NBAS: variants seen among roughly 807,000 people sequenced by gnomAD.
NBAS encodes the protein NAG/BC035112 fusion.
A neutral mutation model predicts 302.5 loss-of-function variants in NBAS; 219 were observed. That is an observed-to-expected ratio of 0.72 (90% confidence interval 0.65 to 0.81). NBAS has a LOEUF of 0.81. NBAS is among the 30% of genes least tolerant of loss of function. The pLI, the probability that NBAS is intolerant of heterozygous loss-of-function variation, is 0.00. For synonymous variants in NBAS, 1,118 were observed against 1,021.6 expected (o/e 1.09, Z -1.80); for missense variants, 2,932 against 2,841.6 (o/e 1.03, Z -0.72).
At chr2:15,433,486 T>C (rs567769586) in intron 21 of NBAS, among the ~76,000 whole-genome samples, 1 of 152,216 alleles carries the variant, frequency 6.6e-6, no homozygotes, top group African/African-American at 2.4e-5. Flanking sequence ...TACTTTATGA[T>C]AAACAATAGC....
At chr2:14,851,335 A>G in the NBAS span, among the ~76,000 whole-genome samples, 2 of 151,780 alleles carry the variant, frequency 1.3e-5, no homozygotes, top group Non-Finnish European at 2.9e-5. Context: ...TCTAGAAGAA[A>G]TGGATACATT....
intron 11 of NBAS, among the ~76,000 whole-genome samples, chr2:15,492,397 T>C (rs1220554278): frequency 6.6e-6 from 1 of 152,240 alleles, no homozygotes; most frequent in Non-Finnish European, 1.5e-5. Context: ...TTAGGTTATG[T>C]TGGAAATACA....
intron 1 of NBAS, among the ~76,000 whole-genome samples, chr2:15,560,195 G>A (rs1664844860): frequency 6.6e-6 from 1 of 151,930 alleles, no homozygotes; most frequent in South Asian, 2.1e-4. Flanking sequence ...AACAGTAACT[G>A]GCACGTGTTA....
In NBAS at chr2:15,238,703, G is replaced by C. The variant is rs766787793; in HGVS notation, c.5725-17C>G. 8.5e-5 allele frequency: 33 copies of C among 389,354 alleles called. No individual in the cohort carries two copies. Among genetic ancestry groups the C allele is most frequent in the Non-Finnish European group, 1.3e-4 (31 of 237,830 alleles). The allele number at this position is 389,354 out of a possible 1,614,324, so 24.1% of individuals were successfully genotyped here. A position where few individuals can be genotyped will look rare whatever the true frequency, so the allele number is the denominator to read the frequency against. On this transcript the variant is annotated splice_polypyrimidine_tract_variant and intron_variant, in intron 44 of 51. Transcript: ENST00000281513. Reference sequence around the variant, plus strand: ...CACAGACAGCTTAAAAAAAAGAATAGTGAGACCAAAGAACCCTGCATTATT... The same window carrying C: ...CACAGACAGCTTAAAAAAAAGAATACTGAGACCAAAGAACCCTGCATTATT...
chr2:15,325,672 A>G (rs1475145702), intron 38 of NBAS, among the ~76,000 whole-genome samples: 1 of 152,198 alleles, frequency 6.6e-6, no homozygotes, highest in Non-Finnish European at 1.5e-5. Flanking sequence ...TATCCAGGCC[A>G]CTAAAACTCT....
chr2:15,336,154 T>C (rs1214637608), intron 35 of NBAS, among the ~76,000 whole-genome samples: 1 of 152,146 alleles, frequency 6.6e-6, no homozygotes, highest in Non-Finnish European at 1.5e-5. Flanking sequence ...TAAGTTTTCC[T>C]TGACATGTAA....
At chr2:14,881,050 G>T in the NBAS span, among the ~76,000 whole-genome samples, 13 of 152,198 alleles carry the variant, frequency 8.5e-5, 1 homozygote, top group East Asian at 2.5e-3. Flanking sequence ...GAAAGAAAAA[G>T]TGTGAGCCAA....
chr2:14,921,289 C>T, the NBAS span, among the ~76,000 whole-genome samples: 3 of 151,800 alleles, frequency 2.0e-5, no homozygotes, highest in African/African-American at 7.3e-5. Context: ...TTCATGGCAC[C>T]CCAAAACAAT....
chr2:15,495,287 C>T (rs1416711855), intron 11 of NBAS, among the ~76,000 whole-genome samples: 4 of 152,112 alleles, frequency 2.6e-5, no homozygotes, highest in Non-Finnish European at 5.9e-5. Flanking sequence ...TAAAAGAAGG[C>T]ACTACCACCT....
the NBAS span, among the ~76,000 whole-genome samples, chr2:14,917,461 A>G: frequency 1.3e-5 from 2 of 152,202 alleles, no homozygotes; most frequent in Non-Finnish European, 2.9e-5. Flanking sequence ...TACTTTTGTA[A>G]CCTAATCACG....
chr2:15,070,819 C>T, the NBAS span, among the ~76,000 whole-genome samples: 1 of 138,704 alleles, frequency 7.2e-6, no homozygotes, highest in Non-Finnish European at 1.6e-5. Context: ...AAATGTAAAA[C>T]ATAAAAGTAC....
At chr2:15,539,103 C>G in intron 7 of NBAS, 120 bp downstream of exon 7, 1 of 1,373,046 alleles carries the variant, frequency 7.3e-7, no homozygotes, top group Non-Finnish European at 1.0e-6. Flanking sequence ...CGTCTTAAGT[C>G]CACAGCTTAT....
the NBAS span, among the ~76,000 whole-genome samples, chr2:14,913,616 G>A: frequency 6.6e-6 from 1 of 152,166 alleles, no homozygotes; most frequent in African/African-American, 2.4e-5. Flanking sequence ...TTAAGCAAAG[G>A]AGGAATGTGT....
chr2:14,824,065 C>T, the NBAS span, among the ~76,000 whole-genome samples: 2 of 152,230 alleles, frequency 1.3e-5, no homozygotes, highest in Non-Finnish European at 2.9e-5. Flanking sequence ...GGCAACCCTG[C>T]GCCAGACGTG....
At chr2:15,377,068 C>T (rs933398902) in intron 30 of NBAS, among the ~76,000 whole-genome samples, 1 of 151,900 alleles carries the variant, frequency 6.6e-6, no homozygotes, top group South Asian at 2.1e-4. Flanking sequence ...TGTAAAAGAA[C>T]CACAATTTTA....
the NBAS span, among the ~76,000 whole-genome samples, chr2:14,895,466 CTG>C: frequency 6.6e-6 from 1 of 152,194 alleles, no homozygotes; most frequent in African/African-American, 2.4e-5. Flanking sequence ...AGGCAGGGCA[CTG>C]TGGCTCACGC....
the NBAS span, among the ~76,000 whole-genome samples, chr2:14,801,731 T>C: frequency 6.6e-6 from 1 of 152,212 alleles, no homozygotes; most frequent in African/African-American, 2.4e-5. Flanking sequence ...TATTATGTTA[T>C]CACATTTTGT....
the NBAS span, among the ~76,000 whole-genome samples, chr2:15,094,614 T>A: frequency 6.6e-6 from 1 of 152,180 alleles, no homozygotes; most frequent in African/African-American, 2.4e-5. Flanking sequence ...GCCTCTGGCT[T>A]TAAGTTCCAG....
downstream of NBAS, among the ~76,000 whole-genome samples, chr2:15,163,994 G>A (rs572656693): frequency 6.6e-6 from 1 of 152,124 alleles, no homozygotes; most frequent in African/African-American, 2.4e-5. Flanking sequence ...ATGGGGTTTC[G>A]CCATGTTGGC....
Sources: gnomAD v4.1 joint callset for allele counts (sites outside exome capture counted in the v4.1 genomes callset) on GRCh38, gnomAD v4.1.1 for gene constraint, MANE v1.5 for transcripts, NCBI Gene and HGNC (gene_info 2026-07-23, HGNC 2026-07-21) for gene names.